Variants in PRKCD observed in about 807,000 individuals in gnomAD.
PRKCD encodes the protein protein kinase C delta type.
In PRKCD, 20 loss-of-function variants were observed where a neutral mutation model predicts 82.2. The observed-to-expected ratio is 0.24, with a 90% confidence interval of 0.17 to 0.35. The LOEUF (loss-of-function observed/expected upper bound fraction) is 0.35. Ranked by LOEUF, PRKCD falls within the 10% of genes least tolerant of loss-of-function variation. PRKCD has a pLI of 1.00. For missense variants in PRKCD, 607 were observed against 899.0 expected, an observed-to-expected ratio of 0.68 and a Z score of 4.15; for synonymous variants, 317 against 337.0, an observed-to-expected ratio of 0.94 and a Z score of 0.65.
rs782483971 is a variant in PRKCD, at chr3:53,185,973, C to G, written c.1032C>G (p.Cys344Trp). 4 of 1,614,250 alleles carry G rather than the reference C, an allele frequency of 2.5e-6. No individual in the cohort carries two copies. The highest frequency in any genetic ancestry group is 1.6e-4 in the Middle Eastern group (1 of 6,062). Residue 344 changes from cysteine to tryptophan, a missense_variant, in exon 12 of 19, where the codon TGC (cysteine) becomes TGG (tryptophan). Cys to Trp is a radical substitution (Grantham distance 215). Coordinates refer to ENST00000330452, the MANE Select transcript of PRKCD (RefSeq NM_006254.4). ...YGKIWEGSSK[C>W]NINNFIFHKV... ...AGATCTGGGAGGGCAGCAGCAAGTG[C>G]AACATCAACAACTTCATCTTCCACA... is the stretch of plus-strand genomic sequence containing the variant.
At chr3:53,190,826 C>T (rs565430556) in intron 18 of PRKCD, among the ~76,000 whole-genome samples, 3 of 152,360 alleles carry the variant, frequency 2.0e-5, no homozygotes, top group African/African-American at 7.2e-5. Flanking sequence ...ACTTCCCCTA[C>T]ACCAGGGACC....
intron 10 of PRKCD, 22 bp downstream of exon 10, chr3:53,184,996 C>T (rs782084034): frequency 6.2e-7 from 1 of 1,601,880 alleles, no homozygotes; most frequent in Admixed American, 1.7e-5. Flanking sequence ...CCATGGGGAC[C>T]CTGGACACAG....
At chr3:53,178,676 C>A in intron 3 of PRKCD, 139 bp downstream of exon 3, 1 of 711,660 alleles carries the variant, frequency 1.4e-6, no homozygotes, top group Non-Finnish European at 2.2e-6. Flanking sequence ...CCCCACTCAG[C>A]TATGAAGGCA....
chr3:53,168,258 C>T (rs868919588), intron 2 of PRKCD, among the ~76,000 whole-genome samples: 38 of 152,316 alleles, frequency 2.5e-4, no homozygotes, highest in African/African-American at 9.1e-4. Context: ...GCTAGAAAAC[C>T]CCCTACACCC....
chr3:53,173,429 T>G (rs1703107883), intron 2 of PRKCD: 1 of 152,292 alleles, frequency 6.6e-6, no homozygotes, highest in African/African-American at 2.4e-5. Flanking sequence ...TCACATTCCC[T>G]GGGGCTGGGA....
intron 8 of PRKCD, 79 bp from the exon 9 acceptor site, chr3:53,183,373 G>T: frequency 6.3e-7 from 1 of 1,597,052 alleles, no homozygotes. Flanking sequence ...GTTGTGCCCA[G>T]GGTTGGGGGA....
At chr3:53,177,913 C>A (rs2107251056) in intron 2 of PRKCD, among the ~76,000 whole-genome samples, 1 of 151,810 alleles carries the variant, frequency 6.6e-6, no homozygotes, top group Admixed American at 6.6e-5. Flanking sequence ...TCCAGACTTA[C>A]ATAAACCTCT....
chr3:53,189,700 G>A (rs569086693), intron 17 of PRKCD, among the ~76,000 whole-genome samples, 173 bp from the exon 18 acceptor site: 35 of 152,312 alleles, frequency 2.3e-4, no homozygotes, highest in Admixed American at 2.0e-3. Context: ...TGTCATCTCC[G>A]GGGGAGCTGG....
chr3:53,180,863 G>A (rs757287528), intron 4 of PRKCD, among the ~76,000 whole-genome samples: 3 of 152,166 alleles, frequency 2.0e-5, no homozygotes, highest in African/African-American at 2.4e-5. Flanking sequence ...ATGTGCACAC[G>A]GGTAGGGGCC....
At chr3:53,191,628 C>T (rs2107292290) in intron 18 of PRKCD, among the ~76,000 whole-genome samples, 1 of 152,290 alleles carries the variant, frequency 6.6e-6, no homozygotes, top group African/African-American at 2.4e-5. Context: ...GCTTTTCAGG[C>T]TTGATGGTCT....
At chr3:53,190,303 C>T (rs782012034) in intron 18 of PRKCD, among the ~76,000 whole-genome samples, 3 of 152,196 alleles carry the variant, frequency 2.0e-5, no homozygotes, top group Non-Finnish European at 2.9e-5. Flanking sequence ...TCCTGAGTCC[C>T]TGTTGAATGC....
At position 53,178,444 on chromosome 3, in the gene PRKCD, G is replaced by T. The variant is rs368029897; in HGVS notation, c.22G>T (p.Ala8Ser). ...CACCATGGCGCCGTTCCTGCGCATC[G>T]CCTTCAACTCCTATGAGCTGGGCTC... is the stretch of plus-strand genomic sequence containing the variant. MAPFLRI[A>S]FNSYELGSLQ... The change falls in exon 3 of 19, where the codon GCC (alanine) becomes TCC (serine). Residue 8 changes from alanine (A) to serine (S), a missense_variant. By Grantham distance (99) the Ala-to-Ser change is moderately conservative. This residue lies in a region of PRKCD where 161 missense variants were observed against 227.0 expected (regional missense o/e 0.71). Coordinates refer to ENST00000330452, the MANE Select transcript of PRKCD (RefSeq NM_006254.4). 1 of 1,612,140 alleles carries T rather than the reference G, an allele frequency of 6.2e-7. No individual in the cohort carries two copies. The highest frequency in any genetic ancestry group is 8.5e-7 in the Non-Finnish European group (1 of 1,179,638).
chr3:53,183,235 G>T (rs1367183257), intron 8 of PRKCD, 29 bp downstream of exon 8: 3 of 1,610,542 alleles, frequency 1.9e-6, no homozygotes, highest in Non-Finnish European at 8.5e-7. Context: ...CAGGGCTGGG[G>T]ATCTGGGGGG....
chr3:53,191,426 A>T (rs1447152141), intron 18 of PRKCD, among the ~76,000 whole-genome samples: 1 of 149,128 alleles, frequency 6.7e-6, no homozygotes, highest in East Asian at 1.9e-4. Flanking sequence ...TAAATAAATA[A>T]AAATAAATAA....
chr3:53,168,920 G>C (rs1702923725), intron 2 of PRKCD, among the ~76,000 whole-genome samples: 1 of 151,882 alleles, frequency 6.6e-6, no homozygotes, highest in Non-Finnish European at 1.5e-5. Flanking sequence ...AGGCACTGGG[G>C]GCTTGGGCAG....
chr3:53,185,474 G>A lies in PRKCD; in HGVS notation c.889-130G>A. The A allele has an allele frequency of 6.7e-6, 5 of 750,124 alleles. No individual in the cohort carries two copies. In the Admixed American group the frequency reaches 1.1e-4, roughly 16 times the overall value. The allele number at this position is 750,124 out of a possible 1,614,324, so 46.5% of individuals were successfully genotyped here. On this transcript the variant is annotated intron_variant, in intron 10 of 18. Transcript: ENST00000330452. Reference sequence around the variant, plus strand: ...GTGTGTACACGCAGCCCGAGTAGGGGGCCTGGGCTGTGCCCCTGTTGTCTC... The same window carrying A: ...GTGTGTACACGCAGCCCGAGTAGGGAGCCTGGGCTGTGCCCCTGTTGTCTC...
rs1702962717 is a variant in PRKCD at position 53,169,955 on chromosome 3, G to A, written c.-20+4740G>A. Among the ~76,000 whole-genome samples the A allele has an allele frequency of 6.6e-6, 1 of 152,214 alleles. No individual in the cohort carries two copies. Among genetic ancestry groups the A allele is most frequent in the South Asian group, 2.1e-4 (1 of 4,836 alleles). Reference sequence around the variant, plus strand: ...GTTCCTCTGTCCGCTGCCTGCTGTGGGATGGCGCACCATGCGGGATGGTCC... The same window carrying A: ...GTTCCTCTGTCCGCTGCCTGCTGTGAGATGGCGCACCATGCGGGATGGTCC... On this transcript the variant is annotated intron_variant, in intron 2 of 18. Transcript: ENST00000330452. This position sits in a 1 kb window ranked among gnomAD's most constrained non-coding sequence, Gnocchi z 4.7.
chr3:53,183,896 G>A (rs1161138674), intron 9 of PRKCD, among the ~76,000 whole-genome samples: 2 of 152,248 alleles, frequency 1.3e-5, no homozygotes, highest in South Asian at 2.1e-4. Flanking sequence ...ACCGACAGGC[G>A]CCCAGACAGG....
At chr3:53,165,374 C>A (rs566421090) in intron 2 of PRKCD, among the ~76,000 whole-genome samples, 159 bp downstream of exon 2, 1 of 152,352 alleles carries the variant, frequency 6.6e-6, no homozygotes, top group South Asian at 2.1e-4. Flanking sequence ...CAGCTGTTTG[C>A]CCTGTCTATG....
Sources: gnomAD v4.1 joint callset for allele counts (sites outside exome capture counted in the v4.1 genomes callset) on GRCh38, gnomAD v4.1.1 for gene constraint, gnomAD v4.1.1 regional missense constraint, Gnocchi (gnomAD v3.1) non-coding constraint, MANE v1.5 for transcripts, NCBI Gene and HGNC (gene_info 2026-07-23, HGNC 2026-07-21) for gene names.